The following SLC14A2 variants were observed in gnomAD, a reference collection of about 807,000 sequenced individuals.
The protein encoded by SLC14A2 is solute carrier family 14 member 2.
SLC14A2 carries 91 observed loss-of-function variants against 104.6 expected under a neutral mutation model. The ratio of observed to expected loss-of-function variants is 0.87; its 90% confidence interval spans 0.73 to 1.04. The LOEUF (loss-of-function observed/expected upper bound fraction) is 1.04, where lower values mean the gene tolerates loss of function less well. Ranked by LOEUF, SLC14A2 falls within the 50% of genes least tolerant of loss-of-function variation. SLC14A2 has a pLI of 0.00. For missense variants in SLC14A2, 1,189 were observed against 1,156.0 expected (o/e 1.03, Z -0.41); for synonymous variants, 476 against 466.4 (o/e 1.02, Z -0.27).
At chr18:45,297,450 TGA>T (rs1309961788) in intron 1 of SLC14A2, among the ~76,000 whole-genome samples, 10 of 152,324 alleles carry the variant, frequency 6.6e-5, no homozygotes, top group Admixed American at 3.9e-4. Flanking sequence ...CTAATGCAGA[TGA>T]GAGTGTTTGG....
At chr18:45,196,637 T>C in the SLC14A2 span, among the ~76,000 whole-genome samples, 39 of 152,302 alleles carry the variant, frequency 2.6e-4, 1 homozygote, top group South Asian at 7.9e-3. Flanking sequence ...CTGAAGGTGC[T>C]CTGTGCCCCA....
chr18:45,516,395 A>AAGTC (rs2043441739), intron 2 of SLC14A2, among the ~76,000 whole-genome samples: 1 of 152,180 alleles, frequency 6.6e-6, no homozygotes, highest in Non-Finnish European at 1.5e-5. Context: ...GAACCTGGCC[A>AAGTC]AGTCACTCTA....
At chr18:45,449,123 C>G (rs913920060) in intron 1 of SLC14A2, among the ~76,000 whole-genome samples, 4 of 152,172 alleles carry the variant, frequency 2.6e-5, no homozygotes, top group African/African-American at 9.7e-5. Flanking sequence ...GCCTCAAAGC[C>G]CATTCCAGGC....
At chr18:45,400,588 A>T (rs137878212) in intron 1 of SLC14A2, among the ~76,000 whole-genome samples, 3 of 152,236 alleles carry the variant, frequency 2.0e-5, no homozygotes, top group African/African-American at 7.2e-5. Context: ...TTCTGTGGAG[A>T]TACTTTGAGA....
chr18:45,590,050 T>C (rs958544606), intron 2 of SLC14A2, among the ~76,000 whole-genome samples: 2 of 152,196 alleles, frequency 1.3e-5, no homozygotes, highest in Non-Finnish European at 2.9e-5. Context: ...CTTTAGCTGC[T>C]GGGATGATTT....
the SLC14A2 span, among the ~76,000 whole-genome samples, chr18:45,193,094 A>G: frequency 6.6e-6 from 1 of 152,112 alleles, no homozygotes; most frequent in African/African-American, 2.4e-5. Flanking sequence ...TGAGTTGATT[A>G]TTTTATTATG....
At chr18:45,637,326 G>T (rs1599097866) in intron 6 of SLC14A2, 144 bp downstream of exon 6, 1 of 633,080 alleles carries the variant, frequency 1.6e-6, no homozygotes, top group South Asian at 2.2e-5. Flanking sequence ...ATCAGAAAGG[G>T]TTGCTGCCAC....
rs545305729 is a variant in SLC14A2 at position 45,244,531 on chromosome 18, C to T, written c.-125+31340C>T. ...ATCCCAGTTACTTGGGAGGCTGAGG[C>T]AGGAGAATCACTTGAACCCAGGAGG... On this transcript the variant is annotated intron_variant, in intron 1 of 20. Transcript: ENST00000586448. Among the ~76,000 whole-genome samples, 6 of 152,012 alleles carry T rather than the reference C, an allele frequency of 3.9e-5. No homozygotes were observed. In the South Asian group the frequency reaches 1.2e-3, roughly 32 times the overall value.
chr18:45,339,308 C>T (rs2085369813), intron 1 of SLC14A2, among the ~76,000 whole-genome samples: 1 of 152,166 alleles, frequency 6.6e-6, no homozygotes, highest in African/African-American at 2.4e-5. Flanking sequence ...CTGTACAACA[C>T]TGCAAGCCAA....
chr18:45,629,478 T>C (rs2045311751), intron 4 of SLC14A2, among the ~76,000 whole-genome samples: 1 of 152,168 alleles, frequency 6.6e-6, no homozygotes, highest in Non-Finnish European at 1.5e-5. Context: ...GATCAGCCCA[T>C]GCCTCACTGC....
intron 9 of SLC14A2, among the ~76,000 whole-genome samples, chr18:45,643,743 C>G (rs997033105): frequency 6.6e-6 from 1 of 152,166 alleles, no homozygotes; most frequent in Non-Finnish European, 1.5e-5. Context: ...CAAGGCTGGT[C>G]TGGGCTCAAG....
chr18:45,355,067 C>G (rs1414818803), intron 1 of SLC14A2, among the ~76,000 whole-genome samples: 1 of 152,170 alleles, frequency 6.6e-6, no homozygotes, highest in Non-Finnish European at 1.5e-5. Flanking sequence ...TCCTTCACCT[C>G]CTGGTTCTAC....
At chr18:45,378,520 TG>T (rs1418978946) in intron 1 of SLC14A2, among the ~76,000 whole-genome samples, 1 of 152,158 alleles carries the variant, frequency 6.6e-6, no homozygotes, top group Admixed American at 6.5e-5. Flanking sequence ...AGAAAGCATT[TG>T]GGGTTGGACA....
chr18:45,501,488 A>G (rs936174278), intron 2 of SLC14A2, among the ~76,000 whole-genome samples: 1 of 152,242 alleles, frequency 6.6e-6, no homozygotes, highest in Non-Finnish European at 1.5e-5. Context: ...TGCTTTTTGT[A>G]TAAATGCTTC....
At chr18:45,474,988 C>A (rs1410547868) in intron 1 of SLC14A2, among the ~76,000 whole-genome samples, 4 of 152,188 alleles carry the variant, frequency 2.6e-5, no homozygotes, top group Non-Finnish European at 5.9e-5. Flanking sequence ...GACTCTAGAT[C>A]TTTCCCACTT....
At chr18:45,628,199 A>T (rs2045291123) in intron 4 of SLC14A2, among the ~76,000 whole-genome samples, 1 of 151,940 alleles carries the variant, frequency 6.6e-6, no homozygotes, top group African/African-American at 2.4e-5. Context: ...TAATCTCAGT[A>T]CTTCAGGAGG....
intron 2 of SLC14A2, among the ~76,000 whole-genome samples, chr18:45,585,257 T>C (rs2144370330): frequency 6.6e-6 from 1 of 152,334 alleles, no homozygotes; most frequent in East Asian, 1.9e-4. Flanking sequence ...CTGCTCTATT[T>C]TAAATTGTAA....
intron 1 of SLC14A2, among the ~76,000 whole-genome samples, chr18:45,405,896 CGAA>C (rs763561512): frequency 4.1e-5 from 3 of 73,950 alleles, no homozygotes; most frequent in Non-Finnish European, 5.7e-5. Flanking sequence ...GACTCCATCT[CGAA>C]AAAAAAAAAA....
At chr18:45,578,564 A>G (rs1229094547) in intron 2 of SLC14A2, among the ~76,000 whole-genome samples, 1 of 152,234 alleles carries the variant, frequency 6.6e-6, no homozygotes, top group Admixed American at 6.5e-5. Flanking sequence ...CTAGGGCCCT[A>G]TGCCACCTTC....
Sources: gnomAD v4.1 joint callset for allele counts (sites outside exome capture counted in the v4.1 genomes callset) on GRCh38, gnomAD v4.1.1 for gene constraint, MANE v1.5 for transcripts, NCBI Gene and HGNC (gene_info 2026-07-23, HGNC 2026-07-21) for gene names.